Variants in PPARGC1B observed in about 807,000 individuals in gnomAD.
PPARGC1B encodes the protein PPARG coactivator 1 beta.
Under a neutral mutation model 101.6 loss-of-function variants are expected in PPARGC1B, and 34 were observed. The ratio of observed to expected loss-of-function variants is 0.33; its 90% CI spans 0.25 to 0.45. The LOEUF (loss-of-function observed/expected upper bound fraction) is 0.45. Among genes scored for constraint, PPARGC1B ranks in the 20% least tolerant of loss-of-function variants. The pLI, the probability that PPARGC1B is intolerant of heterozygous loss-of-function variation, is 1.00. For missense variants in PPARGC1B, 1,234 were observed against 1,317.6 expected, an observed-to-expected ratio of 0.94 and a Z score of 0.98; for synonymous variants, 548 against 539.3, an observed-to-expected ratio of 1.02 and a Z score of -0.22.
rs893128293 is a variant in PPARGC1B, at chr5:149,826,732, T to G, written c.312T>G (p.Pro104=). 2.5e-6 allele frequency: 4 copies of G among 1,613,936 alleles called. No homozygotes were observed. The highest frequency in any genetic ancestry group is 3.4e-6 in the Non-Finnish European group (4 of 1,179,946). The change falls in exon 3 of 12, where the codon CCT becomes CCG. Residue 104 remains proline (P), a synonymous_variant. Transcript: ENST00000309241. ...TCACCAAGACCCTGGATGACATCCC[T>G]GAAGATGACGTGGGTCTGGCTGCCT... ...AELTKTLDDI[P]EDDVGLAAFP...
Position 149,854,517 on chromosome 5 carries a change from A to C in PPARGC1B, c.*6959A>C, listed in dbSNP as rs1759890866. The C allele has an allele frequency of 6.6e-6, 1 of 152,176 alleles. No homozygotes were observed. The highest frequency in any genetic ancestry group is 1.5e-5 in the Non-Finnish European group (1 of 68,022). 9.4% of individuals were successfully genotyped at this position (152,176 alleles called of 1,614,324 possible). ...AAGCTAAATTTTAATTTTTTAAAGG[A>C]CACTGCTAATGATTGAGAATCAAGT... On this transcript the variant is annotated 3_prime_UTR_variant, in exon 12 of 12. Transcript: ENST00000309241.
At chr5:149,752,138 A>G (rs1388808327) in intron 1 of PPARGC1B, among the ~76,000 whole-genome samples, 1 of 152,220 alleles carries the variant, frequency 6.6e-6, no homozygotes, top group Non-Finnish European at 1.5e-5. Flanking sequence ...ATCACCTCCA[A>G]GTACTTCCCA....
At chr5:149,751,641 G>A (rs1376718853) in intron 1 of PPARGC1B, among the ~76,000 whole-genome samples, 1 of 151,926 alleles carries the variant, frequency 6.6e-6, no homozygotes, top group Non-Finnish European at 1.5e-5. Flanking sequence ...GGGAGGTGGA[G>A]GTTGCAGTGA....
At chr5:149,752,215 C>T (rs867335340) in intron 1 of PPARGC1B, among the ~76,000 whole-genome samples, 3 of 152,200 alleles carry the variant, frequency 2.0e-5, no homozygotes, top group South Asian at 2.1e-4. Context: ...TCTACATGTC[C>T]GTTAATATGT....
At chr5:149,745,840 C>T (rs1366503309) in intron 1 of PPARGC1B, among the ~76,000 whole-genome samples, 1 of 152,146 alleles carries the variant, frequency 6.6e-6, no homozygotes, top group Non-Finnish European at 1.5e-5. Context: ...CAATCCCACA[C>T]CCACTTATGG....
intron 3 of PPARGC1B, among the ~76,000 whole-genome samples, chr5:149,827,997 A>T (rs1364901034): frequency 1.3e-5 from 2 of 152,122 alleles, no homozygotes; most frequent in Non-Finnish European, 2.9e-5. Context: ...TTCTTAGGTT[A>T]TGGAGAGTTT....
intron 1 of PPARGC1B, chr5:149,732,953 C>A: frequency 3.8e-6 from 1 of 261,464 alleles, no homozygotes. Context: ...TTGAACTCTC[C>A]GAGCCTCATT....
chr5:149,843,952 C>T (rs374191027), intron 10 of PPARGC1B, among the ~76,000 whole-genome samples: 2 of 152,030 alleles, frequency 1.3e-5, no homozygotes, highest in East Asian at 3.9e-4. Context: ...TCTATTTCGT[C>T]GAAACAGAAA....
At chr5:149,786,845 GGCCTCAGAAGTAGAATATTAAT>G (rs1256278912) in intron 1 of PPARGC1B, among the ~76,000 whole-genome samples, 6 of 152,146 alleles carry the variant, frequency 3.9e-5, no homozygotes, top group African/African-American at 1.4e-4. Context: ...TCCTCTCCCA[GGCCTCAGAAGTAGAATATTAAT>G]GCACTTGGTG....
intron 3 of PPARGC1B, among the ~76,000 whole-genome samples, chr5:149,828,599 C>T (rs144185809): frequency 2.4e-4 from 36 of 152,360 alleles, no homozygotes; most frequent in African/African-American, 7.2e-4. Flanking sequence ...AGGCAAAGCG[C>T]GACCCCTGCT....
chr5:149,834,018 TAATG>T (rs1206430824), intron 5 of PPARGC1B, among the ~76,000 whole-genome samples: 1 of 152,212 alleles, frequency 6.6e-6, no homozygotes, highest in Non-Finnish European at 1.5e-5. Flanking sequence ...AGGTGCCACT[TAATG>T]AATTAAGCAG....
chr5:149,764,456 A>G (rs918377923), intron 1 of PPARGC1B, among the ~76,000 whole-genome samples: 4 of 152,208 alleles, frequency 2.6e-5, no homozygotes, highest in Non-Finnish European at 5.9e-5. Context: ...AAAGTCTGGG[A>G]TAGGGAGGAC....
At chr5:149,738,753 C>T (rs2113078621) in intron 1 of PPARGC1B, among the ~76,000 whole-genome samples, 1 of 152,316 alleles carries the variant, frequency 6.6e-6, no homozygotes, top group Non-Finnish European at 1.5e-5. Flanking sequence ...TGTGCTACCA[C>T]ACCTGGCTAA....
At chr5:149,839,980 G>C (rs1159455770) in intron 8 of PPARGC1B, 61 bp from the exon 9 acceptor site, 1 of 1,533,568 alleles carries the variant, frequency 6.5e-7, no homozygotes, top group Admixed American at 1.7e-5. Flanking sequence ...GAGCAGATCC[G>C]CCCCCACCCC....
chr5:149,731,154 C>T (rs948641038), intron 1 of PPARGC1B, among the ~76,000 whole-genome samples: 1 of 151,918 alleles, frequency 6.6e-6, no homozygotes, highest in African/African-American at 2.4e-5. Flanking sequence ...GAAGGGAAGG[C>T]GAGGCGGAGT....
intron 1 of PPARGC1B, among the ~76,000 whole-genome samples, chr5:149,760,516 A>T (rs974584260): frequency 6.6e-6 from 1 of 152,214 alleles, no homozygotes. Flanking sequence ...GAATTAAATG[A>T]GAATAAAGGG....
chr5:149,790,494 G>A (rs1203523065), intron 1 of PPARGC1B, among the ~76,000 whole-genome samples: 1 of 152,058 alleles, frequency 6.6e-6, no homozygotes, highest in South Asian at 2.1e-4. Flanking sequence ...CCCCAAACCA[G>A]CCCAATCCAG....
intron 1 of PPARGC1B, among the ~76,000 whole-genome samples, chr5:149,816,215 G>A (rs1323421786): frequency 6.6e-6 from 1 of 152,246 alleles, no homozygotes; most frequent in East Asian, 1.9e-4. Flanking sequence ...ACAAGGCCGC[G>A]AAGCTGAGGT....
chr5:149,808,535 T>G (rs1291152917), intron 1 of PPARGC1B, among the ~76,000 whole-genome samples: 1 of 152,152 alleles, frequency 6.6e-6, no homozygotes, highest in East Asian at 1.9e-4. Context: ...TTCTTGACCT[T>G]GTAGAGGGGC....
Sources: gnomAD v4.1 joint callset for allele counts (sites outside exome capture counted in the v4.1 genomes callset) on GRCh38, gnomAD v4.1.1 for gene constraint, MANE v1.5 for transcripts, NCBI Gene and HGNC (gene_info 2026-07-23, HGNC 2026-07-21) for gene names.